The following USH2A variants were observed in gnomAD, a reference collection of about 807,000 sequenced individuals.
The protein encoded by USH2A is Usher syndrome 2A (autosomal recessive, mild).
In USH2A, 443 loss-of-function variants were observed where a neutral mutation model predicts 538.9. The ratio of observed to expected loss-of-function variants is 0.82; its 90% confidence interval spans 0.76 to 0.89. The LOEUF (loss-of-function observed/expected upper bound fraction) is 0.89, where lower values mean the gene tolerates loss of function less well. Ranked by LOEUF, USH2A falls within the 40% of genes least tolerant of loss-of-function variation. The pLI, the probability that USH2A is intolerant of heterozygous loss-of-function variation, is 0.00. For synonymous variants in USH2A, 2,413 were observed against 2,273.5 expected, an observed-to-expected ratio of 1.06 and a Z score of -1.75; for missense variants, 6,633 against 6,324.8, an observed-to-expected ratio of 1.05 and a Z score of -1.65.
chr1:216,082,528 T>G (rs887551642), intron 26 of USH2A, among the ~76,000 whole-genome samples: 98 of 152,024 alleles, frequency 6.4e-4, no homozygotes, highest in African/African-American at 2.3e-3. Context: ...ATTTGTCTAT[T>G]TGCCTAGAAA....
chr1:216,266,281 C>T (rs751228340), intron 11 of USH2A, among the ~76,000 whole-genome samples: 2 of 152,020 alleles, frequency 1.3e-5, no homozygotes, highest in African/African-American at 2.4e-5. Context: ...TCTCATGAAG[C>T]ATTCAAATTC....
chr1:216,422,812 T>TG (rs2039702385), intron 1 of USH2A, among the ~76,000 whole-genome samples: 1 of 150,992 alleles, frequency 6.6e-6, no homozygotes, highest in African/African-American at 2.4e-5. Flanking sequence ...ATGTGTGTGT[T>TG]TTATATATAT....
intron 21 of USH2A, among the ~76,000 whole-genome samples, chr1:216,172,238 TG>T (rs1431674958): frequency 6.6e-6 from 1 of 152,078 alleles, no homozygotes; most frequent in Admixed American, 6.6e-5. Flanking sequence ...TACTGAGACT[TG>T]CAACATAATG....
chr1:215,964,318 A>G (rs1667277009), intron 37 of USH2A, among the ~76,000 whole-genome samples: 1 of 152,188 alleles, frequency 6.6e-6, no homozygotes, highest in Non-Finnish European at 1.5e-5. Context: ...TAAAAAAGGG[A>G]CACACCAATC....
chr1:215,905,637 GAT>G (rs1665621235), intron 38 of USH2A, among the ~76,000 whole-genome samples: 1 of 152,040 alleles, frequency 6.6e-6, no homozygotes, highest in Non-Finnish European at 1.5e-5. Flanking sequence ...GTCTTTCAGA[GAT>G]CCCTGGCTTG....
chr1:216,246,848 C>T lies in USH2A; in HGVS notation c.2546G>A (p.Cys849Tyr), dbSNP rs111033481. Residue 849 changes from cysteine to tyrosine, a missense_variant, in exon 13 of 72, where the codon TGT becomes TAT. By Grantham distance (194) the Cys-to-Tyr change is radical. Coordinates refer to ENST00000307340, the MANE Select transcript of USH2A (RefSeq NM_206933.4). ...NNSFLCLPCNCDKTGTINGSL... is the reference protein window; with the variant it reads ...NNSFLCLPCNYDKTGTINGSL... ...GCCATTTATTGTCCCAGTCTTATCACAGTTGCAAGGCAGACAGAGGAAAGA... is the reference window on the plus strand; with the variant it reads ...GCCATTTATTGTCCCAGTCTTATCATAGTTGCAAGGCAGACAGAGGAAAGA... 1,338 of 1,614,138 alleles carry T rather than the reference C, an allele frequency of 8.3e-4. 10 individuals carry two copies. In the African/African-American group the frequency reaches 0.014, roughly 17 times the overall value.
Position 215,993,072 on chromosome 1 carries a change from T to C in USH2A, c.6753A>G (p.Ser2251=). 1 of 1,614,134 alleles carries C rather than the reference T, an allele frequency of 6.2e-7. No individual in the cohort carries two copies. The highest frequency in any genetic ancestry group is 1.1e-5 in the South Asian group (1 of 91,088). The change falls in exon 35 of 72, where the codon TCA becomes TCG. Residue 2251 remains serine (S), a synonymous_variant. Transcript: ENST00000307340. ...PEGVPAPKAH[S]YSPDSFNVSW... is the part of the protein sequence containing the mutation. ...AGACATTAAAGGAGTCAGGTGAATATGAGTGGGCTTTGGGGGCTGGCACGC... is the reference window on the plus strand; with the variant it reads ...AGACATTAAAGGAGTCAGGTGAATACGAGTGGGCTTTGGGGGCTGGCACGC...
At chr1:215,926,710 C>T (rs1243813256) in intron 38 of USH2A, among the ~76,000 whole-genome samples, 7 of 148,940 alleles carry the variant, frequency 4.7e-5, no homozygotes, top group Non-Finnish European at 8.9e-5. Flanking sequence ...CTCCGCCTTT[C>T]GGGTTCAAGC....
chr1:215,667,774 T>C (rs1301708424), intron 64 of USH2A, among the ~76,000 whole-genome samples: 1 of 152,024 alleles, frequency 6.6e-6, no homozygotes, highest in Non-Finnish European at 1.5e-5. Flanking sequence ...AACTTATCCA[T>C]GCGATACCCT....
intron 37 of USH2A, among the ~76,000 whole-genome samples, chr1:215,937,138 A>T (rs2102502099): frequency 6.6e-6 from 1 of 152,218 alleles, no homozygotes; most frequent in Non-Finnish European, 1.5e-5. Flanking sequence ...ACTTCAAAGG[A>T]AATAAACAGT....
At chr1:216,018,228 A>C (rs1374358702) in intron 32 of USH2A, among the ~76,000 whole-genome samples, 1 of 152,234 alleles carries the variant, frequency 6.6e-6, no homozygotes, top group African/African-American at 2.4e-5. Flanking sequence ...AGAAGATGGC[A>C]CACTGAAATG....
chr1:215,788,509 T>TAA (rs35651431), intron 51 of USH2A, among the ~76,000 whole-genome samples: 92 of 150,872 alleles, frequency 6.1e-4, no homozygotes, highest in African/African-American at 1.6e-3. Context: ...AATTGTAATG[T>TAA]AAAAAAAAAA....
At position 215,654,934 on chromosome 1, in the gene USH2A, A is replaced by G. The variant is rs561938518; in HGVS notation, c.14134-4133T>C. ...ATTTTTAATTACATGGAGTGTCAAC[A>G]TCTGCCACTAAGCTGCCATAATCAC... On this transcript the variant is annotated intron_variant, in intron 64 of 71. Coordinates refer to ENST00000307340, the MANE Select transcript of USH2A (RefSeq NM_206933.4). Among the ~76,000 whole-genome samples the G allele has an allele frequency of 5.3e-5, 8 of 152,356 alleles. No individual in the cohort carries two copies. In the East Asian group the frequency reaches 9.6e-4, roughly 18 times the overall value.
At chr1:216,141,948 G>T (rs1490538691) in intron 21 of USH2A, among the ~76,000 whole-genome samples, 2 of 119,288 alleles carry the variant, frequency 1.7e-5, no homozygotes, top group African/African-American at 6.4e-5. Flanking sequence ...TCTGAAATTA[G>T]GAAATGAAAA....
intron 36 of USH2A, among the ~76,000 whole-genome samples, chr1:215,969,767 T>C (rs1285512965): frequency 6.6e-6 from 1 of 152,110 alleles, no homozygotes; most frequent in Non-Finnish European, 1.5e-5. Context: ...AATTAAAACA[T>C]AGAGCTGTCT....
chr1:216,099,387 A>G (rs956340953), intron 21 of USH2A, among the ~76,000 whole-genome samples: 2 of 152,116 alleles, frequency 1.3e-5, no homozygotes, highest in African/African-American at 4.8e-5. Flanking sequence ...GACTCCTGCT[A>G]CTAGATGTAT....
At chr1:215,693,105 T>TGC (rs1553253920) in intron 61 of USH2A, among the ~76,000 whole-genome samples, 1 of 108,952 alleles carries the variant, frequency 9.2e-6, no homozygotes, top group African/African-American at 2.9e-5. Flanking sequence ...TGTGTGTGTG[T>TGC]GTGTGTATGT....
At chr1:216,392,200 T>C (rs1237908911) in intron 3 of USH2A, among the ~76,000 whole-genome samples, 2 of 152,050 alleles carry the variant, frequency 1.3e-5, no homozygotes, top group Non-Finnish European at 2.9e-5. Flanking sequence ...TCTACATTAT[T>C]TTAAAAAACC....
chr1:216,272,800 A>G (rs912374470), intron 11 of USH2A, among the ~76,000 whole-genome samples: 19 of 152,162 alleles, frequency 1.2e-4, no homozygotes, highest in African/African-American at 4.3e-4. Context: ...GTTGAGAAAG[A>G]GGGAGAAATG....
Sources: gnomAD v4.1 joint callset for allele counts (sites outside exome capture counted in the v4.1 genomes callset) on GRCh38, gnomAD v4.1.1 for gene constraint, MANE v1.5 for transcripts, NCBI Gene and HGNC (gene_info 2026-07-23, HGNC 2026-07-21) for gene names.